Variants in TSHZ2 observed in about 807,000 individuals in gnomAD.
The protein encoded by TSHZ2 is teashirt zinc finger homeobox 2.
A neutral mutation model predicts 74.4 loss-of-function variants in TSHZ2; 21 were observed. The ratio of observed to expected loss-of-function variants is 0.28; its 90% CI spans 0.20 to 0.41. TSHZ2 has a LOEUF of 0.41. Ranked by LOEUF, TSHZ2 falls within the 10% of genes least tolerant of loss-of-function variation. The pLI is 1.00. For missense variants in TSHZ2, 1,244 were observed against 1,293.5 expected, an observed-to-expected ratio of 0.96 and a Z score of 0.59; for synonymous variants, 540 against 515.3, an observed-to-expected ratio of 1.05 and a Z score of -0.65.
chr20:53,228,413 AT>A (rs1989738713), intron 1 of TSHZ2, among the ~76,000 whole-genome samples: 1 of 152,164 alleles, frequency 6.6e-6, no homozygotes, highest in Admixed American at 6.5e-5. Context: ...AGAGTTACTA[AT>A]TTGTAAAAAG....
intron 1 of TSHZ2, chr20:53,097,709 T>C (rs1986093729): frequency 6.4e-6 from 1 of 155,154 alleles, no homozygotes; most frequent in South Asian, 2.1e-4. Context: ...CAGGGTTGAT[T>C]TGGCTGATCT....
chr20:53,424,884 AG>A (rs1367132513), intron 2 of TSHZ2, among the ~76,000 whole-genome samples: 2 of 152,212 alleles, frequency 1.3e-5, no homozygotes, highest in Admixed American at 6.5e-5. Context: ...GTCCCTGGAA[AG>A]GACATGATCT....
intron 2 of TSHZ2, among the ~76,000 whole-genome samples, chr20:53,383,957 C>G (rs1242214384): frequency 6.6e-6 from 1 of 152,136 alleles, no homozygotes; most frequent in African/African-American, 2.4e-5. Context: ...TAAGCCAGAT[C>G]CTACTTTGGC....
At chr20:53,149,449 G>A (rs1055265613) in intron 1 of TSHZ2, among the ~76,000 whole-genome samples, 2 of 152,148 alleles carry the variant, frequency 1.3e-5, no homozygotes, top group Non-Finnish European at 2.9e-5. Flanking sequence ...AACATCAAAA[G>A]GGAGTGAGAG....
At chr20:53,464,757 C>G (rs1985504018) in intron 2 of TSHZ2, among the ~76,000 whole-genome samples, 1 of 152,140 alleles carries the variant, frequency 6.6e-6, no homozygotes, top group Non-Finnish European at 1.5e-5. Context: ...TGTCAGCCAC[C>G]ACGCCCAGTC....
chr20:53,235,447 G>A (rs983481618), intron 1 of TSHZ2, among the ~76,000 whole-genome samples: 1 of 152,166 alleles, frequency 6.6e-6, no homozygotes, highest in Non-Finnish European at 1.5e-5. Flanking sequence ...TGGGATTACA[G>A]GTGCGAGCCA....
chr20:53,156,055 G>A (rs1987786403), intron 1 of TSHZ2, among the ~76,000 whole-genome samples: 1 of 152,202 alleles, frequency 6.6e-6, no homozygotes, highest in East Asian at 1.9e-4. Flanking sequence ...GGGAACAAGG[G>A]GCTGCAGCTG....
chr20:53,489,374 C>A lies in TSHZ2; in HGVS notation c.*2239C>A. ...AGGGTGGACTGGACTCTACTGAGCA[C>A]CGTCCTTCAACAAGGAAATTCTATT... On this transcript the variant is annotated 3_prime_UTR_variant, in exon 3 of 3. Transcript: ENST00000371497. The A allele has an allele frequency of 2.9e-6, 1 of 344,836 alleles. No homozygotes were observed. Among genetic ancestry groups the A allele is most frequent in the Non-Finnish European group, 5.7e-6 (1 of 175,000 alleles). The allele number at this position is 344,836 out of a possible 1,614,324, so 21.4% of individuals were successfully genotyped here.
chr20:53,008,557 CT>C (rs34485556), intron 1 of TSHZ2, among the ~76,000 whole-genome samples: 56,567 of 145,814 alleles, frequency 0.39, 10,988 homozygotes, highest in Non-Finnish European at 0.46. Context: ...TTATAATCAC[CT>C]TTTTTTTTTT....
intron 1 of TSHZ2, among the ~76,000 whole-genome samples, chr20:53,057,527 T>A (rs1984680479): frequency 6.6e-6 from 1 of 152,158 alleles, no homozygotes. Flanking sequence ...ATCATAATAA[T>A]TCATTTGCTT....
intron 1 of TSHZ2, among the ~76,000 whole-genome samples, chr20:53,081,704 T>C (rs143700764): frequency 6.6e-6 from 1 of 152,310 alleles, no homozygotes; most frequent in East Asian, 1.9e-4. Context: ...CATAAAACGG[T>C]GCTACTGTTT....
At position 53,280,971 on chromosome 20, in the gene TSHZ2, G is replaced by A. The variant is rs540411277; in HGVS notation, c.*8+24400G>A. ...CTCCCAAAATGCTGGGATTACAGGCGTGAGCCACCACGCCCGGCCAGTCAG... is the reference window on the plus strand; with the variant it reads ...CTCCCAAAATGCTGGGATTACAGGCATGAGCCACCACGCCCGGCCAGTCAG... On this transcript the variant is annotated intron_variant, in intron 2 of 2. Transcript: ENST00000371497. Among the ~76,000 whole-genome samples the A allele has an allele frequency of 6.6e-5, 10 of 152,268 alleles. No individual in the cohort carries two copies. The East Asian group carries it at 1.5e-3, about 24-fold the overall frequency.
At chr20:53,407,802 A>G (rs1390897983) in intron 2 of TSHZ2, among the ~76,000 whole-genome samples, 1 of 152,224 alleles carries the variant, frequency 6.6e-6, no homozygotes, top group African/African-American at 2.4e-5. Flanking sequence ...ATTATACAGC[A>G]CAAAAGCAGT....
In TSHZ2 at chr20:53,006,632, A is replaced by G. The variant is rs146834008; in HGVS notation, c.40+33299A>G. Among the ~76,000 whole-genome samples, 67 of 152,338 alleles carry G rather than the reference A, an allele frequency of 4.4e-4. No homozygotes were observed. The East Asian group carries it at 7.3e-3, about 17-fold the overall frequency. Reference sequence around the variant, plus strand: ...GGTTTCTCAATGGATTCACAAACCTACATTTCAATTTCCTAAGCAGCACAA... The same window carrying G: ...GGTTTCTCAATGGATTCACAAACCTGCATTTCAATTTCCTAAGCAGCACAA... On this transcript the variant is annotated intron_variant, in intron 1 of 2. Transcript: ENST00000371497.
chr20:53,281,952 C>T lies in TSHZ2; in HGVS notation c.*8+25381C>T, dbSNP rs148694144. Among the ~76,000 whole-genome samples, 290 of 152,296 alleles carry T rather than the reference C, an allele frequency of 1.9e-3. 1 individual carries two copies. The highest frequency in any genetic ancestry group is 6.7e-3 in the African/African-American group (277 of 41,570). On this transcript the variant is annotated intron_variant, in intron 2 of 2. Coordinates refer to ENST00000371497, the MANE Select transcript of TSHZ2 (RefSeq NM_173485.6). ...GTGTGTACTGGCAGAGCAGCTTCAGCGACCAGGGGACATCCCCAGAAGAGA... is the reference window on the plus strand; with the variant it reads ...GTGTGTACTGGCAGAGCAGCTTCAGTGACCAGGGGACATCCCCAGAAGAGA...
At chr20:53,312,169 C>T (rs6063929) in intron 2 of TSHZ2, among the ~76,000 whole-genome samples, 21,115 of 152,114 alleles carry the variant, frequency 0.14, 1,872 homozygotes, top group Middle Eastern at 0.27. Flanking sequence ...GAAGATGCGG[C>T]GGAGTGCAAT....
intron 2 of TSHZ2, among the ~76,000 whole-genome samples, chr20:53,318,957 G>T (rs111727762): frequency 9.2e-5 from 14 of 152,184 alleles, no homozygotes; most frequent in African/African-American, 3.4e-4. Flanking sequence ...ATGGCAGCAG[G>T]CAAGAGAGAG....
intron 2 of TSHZ2, among the ~76,000 whole-genome samples, chr20:53,465,818 C>G (rs1985539515): frequency 6.6e-6 from 1 of 152,028 alleles, no homozygotes; most frequent in Admixed American, 6.6e-5. Flanking sequence ...TAAATGAAAA[C>G]TACCATTAAA....
At chr20:53,486,558 C>A (rs991791650) in intron 2 of TSHZ2, among the ~76,000 whole-genome samples, 2 of 151,888 alleles carry the variant, frequency 1.3e-5, no homozygotes, top group Non-Finnish European at 1.5e-5. Flanking sequence ...AGTGTGCCTG[C>A]GGTTCCAGCC....
Sources: gnomAD v4.1 joint callset for allele counts (sites outside exome capture counted in the v4.1 genomes callset) on GRCh38, gnomAD v4.1.1 for gene constraint, MANE v1.5 for transcripts, NCBI Gene and HGNC (gene_info 2026-07-23, HGNC 2026-07-21) for gene names.